KAT6A: variants seen among roughly 807,000 people sequenced by gnomAD.
KAT6A encodes the protein lysine acetyltransferase 6A.
A neutral mutation model predicts 198.4 loss-of-function variants in KAT6A; 9 were observed. The ratio of observed to expected loss-of-function variants is 0.05; its 90% CI spans 0.03 to 0.08. The LOEUF (loss-of-function observed/expected upper bound fraction) is 0.08, where lower values mean the gene tolerates loss of function less well. Ranked by LOEUF, KAT6A falls within the 10% of genes least tolerant of loss-of-function variation. The probability of loss-of-function intolerance (pLI) is 1.00; values close to 1 mark genes in which losing one functional copy is unlikely to be tolerated. For missense variants in KAT6A, 2,077 were observed against 2,509.9 expected (o/e 0.83, Z 3.69); for synonymous variants, 890 against 883.0 (o/e 1.01, Z -0.14).
rs188123706 is a variant in KAT6A at position 41,955,000 on chromosome 8, T to C, written c.1598+296A>G. ...TTCTCTTTTTCAAAATTCTTAGTGA[T>C]AGGAGTGAAGACAAATTTCTCTTAA... is the stretch of plus-strand genomic sequence containing the variant. On this transcript the variant is annotated intron_variant, in intron 9 of 16. Coordinates refer to ENST00000265713, the MANE Select transcript of KAT6A (RefSeq NM_006766.5). Among the ~76,000 whole-genome samples the C allele has an allele frequency of 1.1e-4, 16 of 151,610 alleles. No individual in the cohort carries two copies. In the East Asian group the frequency reaches 2.3e-3, roughly 22 times the overall value.
chr8:42,029,784 A>G lies in KAT6A; in HGVS notation c.600+18594T>C, dbSNP rs372655719. The stretch of plus-strand genomic sequence containing the variant: ...CCTCAATTATAGCTTTTATTTCATT[A>G]GTTGAATTCTTCAGTTCTACAATTT... On this transcript the variant is annotated intron_variant, in intron 2 of 16. Transcript: ENST00000265713. Among the ~76,000 whole-genome samples, 30 of 152,036 alleles carry G rather than the reference A, an allele frequency of 2.0e-4. No homozygotes were observed. In the East Asian group the frequency reaches 4.9e-3, roughly 25 times the overall value.
At chr8:41,986,088 G>A (rs902436650) in intron 3 of KAT6A, among the ~76,000 whole-genome samples, 13 of 152,014 alleles carry the variant, frequency 8.6e-5, no homozygotes, top group African/African-American at 2.7e-4. Context: ...CTACAGGTGC[G>A]AACCACCACG....
intron 3 of KAT6A, among the ~76,000 whole-genome samples, chr8:41,987,239 G>C (rs1160420301): frequency 6.6e-6 from 1 of 152,202 alleles, no homozygotes; most frequent in African/African-American, 2.4e-5. Flanking sequence ...CAGATGTGTA[G>C]TAGGCCATCC....
At chr8:41,980,613 T>C (rs1006296515) in intron 5 of KAT6A, among the ~76,000 whole-genome samples, 17 of 152,186 alleles carry the variant, frequency 1.1e-4, no homozygotes, top group African/African-American at 4.1e-4. Context: ...CACTTCACCA[T>C]TGATGGATGC....
chr8:41,962,386 T>A (rs1038019025), intron 8 of KAT6A, among the ~76,000 whole-genome samples: 3 of 152,124 alleles, frequency 2.0e-5, no homozygotes, highest in African/African-American at 7.2e-5. Context: ...GCTCTTCCTA[T>A]TTCCCCATCT....
intron 2 of KAT6A, among the ~76,000 whole-genome samples, chr8:42,022,523 A>T (rs1251945519): frequency 6.6e-6 from 1 of 152,196 alleles, no homozygotes; most frequent in African/African-American, 2.4e-5. Context: ...GAGTGAAAGC[A>T]TGTAGTCAAA....
chr8:41,937,532 G>A lies in KAT6A; in HGVS notation c.3076C>T (p.Arg1026Cys), dbSNP rs753934123. 1.9e-5 allele frequency: 30 copies of A among 1,613,274 alleles called. No individual in the cohort carries two copies. Among genetic ancestry groups the A allele is most frequent in the Non-Finnish European group, 2.4e-5 (28 of 1,179,590 alleles). Residue 1026 changes from arginine (R) to cysteine (C), a missense_variant, in exon 16 of 17, where the codon CGC becomes TGC. Physicochemically the swap from Arg to Cys is radical, Grantham distance 180. Around this residue, in one of 13 missense-constraint regions of KAT6A, gnomAD observed 19 missense variants for 40.5 expected, o/e 0.47. Coordinates refer to ENST00000265713, the MANE Select transcript of KAT6A (RefSeq NM_006766.5). ...FLHRRRRVRK[R>C]KHHNSSVVTE... ...ACTACACTGCTATTGTGGTGTTTGC[G>A]CTTTCGGACTCTCCTCCTTCGGTGG...
Position 42,032,812 on chromosome 8 carries a change from C to T in KAT6A, c.600+15566G>A, listed in dbSNP as rs1157238853. 2.0e-5 allele frequency among the ~76,000 whole-genome samples: 3 copies of T among 151,330 alleles called. No homozygotes were observed. In the East Asian group the frequency reaches 5.8e-4, roughly 29 times the overall value. On this transcript the variant is annotated intron_variant, in intron 2 of 16. Coordinates refer to ENST00000265713, the MANE Select transcript of KAT6A (RefSeq NM_006766.5). ...ACAGTTGTGGCTGGCACACTGGCTG[C>T]CTTCAGCCTTCCTAATGATATGCTT...
chr8:41,951,046 T>C (rs1237798302), intron 9 of KAT6A, among the ~76,000 whole-genome samples: 1 of 151,968 alleles, frequency 6.6e-6, no homozygotes, highest in Non-Finnish European at 1.5e-5. Context: ...AGTAACCAAA[T>C]TGCTCAAGAA....
At chr8:41,990,387 C>G (rs1161710977) in intron 2 of KAT6A, among the ~76,000 whole-genome samples, 6 of 152,104 alleles carry the variant, frequency 3.9e-5, no homozygotes, top group African/African-American at 1.4e-4. Flanking sequence ...GTAAGGAAGA[C>G]AAGAGACTGG....
Position 41,977,090 on chromosome 8 carries a change from C to T in KAT6A, c.1281G>A (p.Arg427=). The change falls in exon 7 of 17, where the codon CGG becomes CGA. Residue 427 remains arginine, a synonymous_variant. Coordinates refer to ENST00000265713, the MANE Select transcript of KAT6A (RefSeq NM_006766.5). The part of the protein sequence containing the change: ...FTPSPDGRKA[R]GEVVDYSEQY... Reference sequence around the variant, plus strand: ...GCTCAGAGTAGTCCACCACTTCCCCCCGAGCTTTCCGCCCATCAGGGGAAG... The same window carrying T: ...GCTCAGAGTAGTCCACCACTTCCCCTCGAGCTTTCCGCCCATCAGGGGAAG... 1 of 1,614,188 alleles carries T rather than the reference C, an allele frequency of 6.2e-7. No homozygotes were observed. The highest frequency in any genetic ancestry group is 8.5e-7 in the Non-Finnish European group (1 of 1,180,028).
At chr8:41,962,547 T>A (rs1251739689) in intron 8 of KAT6A, among the ~76,000 whole-genome samples, 3 of 151,914 alleles carry the variant, frequency 2.0e-5, no homozygotes, top group African/African-American at 7.3e-5. Flanking sequence ...AAACACCATG[T>A]CTCTTACTTC....
chr8:42,043,119 T>C (rs1827746708), intron 2 of KAT6A, among the ~76,000 whole-genome samples: 1 of 152,218 alleles, frequency 6.6e-6, no homozygotes, highest in South Asian at 2.1e-4. Context: ...TTATTTTGTA[T>C]CTCTATTCTG....
intron 2 of KAT6A, among the ~76,000 whole-genome samples, chr8:42,021,627 A>C (rs1826539698): frequency 6.6e-6 from 1 of 152,186 alleles, no homozygotes. Flanking sequence ...TTTGTGTTGT[A>C]AAAAACTCAG....
At chr8:41,951,906 G>C (rs973947689) in intron 9 of KAT6A, among the ~76,000 whole-genome samples, 2 of 152,148 alleles carry the variant, frequency 1.3e-5, no homozygotes, top group Non-Finnish European at 2.9e-5. Context: ...ATGCTACATG[G>C]AGCAGCGTAG....
In KAT6A at chr8:41,980,826, T is replaced by C. The variant is rs745316679; in HGVS notation, c.907+20A>G. 23 of 1,566,196 alleles carry C rather than the reference T, an allele frequency of 1.5e-5. No individual in the cohort carries two copies. Among genetic ancestry groups the C allele is most frequent in the Admixed American group, 1.2e-4 (7 of 59,944 alleles). The stretch of plus-strand genomic sequence containing the variant: ...ATCCTCCTTTATATTCCCAGTTTTA[T>C]TTCAGAAAGTATTTCTCACCTTTTG... On this transcript the variant is annotated intron_variant, in intron 5 of 16. Coordinates refer to ENST00000265713, the MANE Select transcript of KAT6A (RefSeq NM_006766.5).
intron 2 of KAT6A, among the ~76,000 whole-genome samples, chr8:42,048,013 T>C (rs150177666): frequency 2.0e-5 from 3 of 151,992 alleles, no homozygotes; most frequent in African/African-American, 7.2e-5. Flanking sequence ...CTTCCAGTAG[T>C]AAGGTGTTCT....
chr8:42,015,664 T>C (rs1826237370), intron 2 of KAT6A, among the ~76,000 whole-genome samples: 1 of 152,246 alleles, frequency 6.6e-6, no homozygotes, highest in South Asian at 2.1e-4. Flanking sequence ...AAGGGTGAGC[T>C]AAATATGTAT....
intron 2 of KAT6A, among the ~76,000 whole-genome samples, chr8:42,017,965 G>A (rs1053479362): frequency 6.6e-6 from 1 of 152,156 alleles, no homozygotes; most frequent in African/African-American, 2.4e-5. Flanking sequence ...GAAACCATCT[G>A]AAAGACAACT....
Sources: gnomAD v4.1 joint callset for allele counts (sites outside exome capture counted in the v4.1 genomes callset) on GRCh38, gnomAD v4.1.1 for gene constraint, gnomAD v4.1.1 regional missense constraint, MANE v1.5 for transcripts, NCBI Gene and HGNC (gene_info 2026-07-23, HGNC 2026-07-21) for gene names.